Variants in SOX6 observed in about 807,000 individuals in gnomAD.
The protein encoded by SOX6 is transcription factor SOX-6.
In SOX6, 11 loss-of-function variants were observed where a neutral mutation model predicts 97.8. That is an observed-to-expected ratio of 0.11 (90% CI 0.07 to 0.19). SOX6 has a LOEUF of 0.19. SOX6 is among the 10% of genes least tolerant of loss of function. The pLI, the probability that SOX6 is intolerant of heterozygous loss-of-function variation, is 1.00. For missense variants in SOX6, 810 were observed against 1,039.5 expected (o/e 0.78, Z 3.04); for synonymous variants, 360 against 371.4 (o/e 0.97, Z 0.35).
chr11:16,109,542 G>A (rs1369799153), intron 7 of SOX6, among the ~76,000 whole-genome samples: 3 of 151,896 alleles, frequency 2.0e-5, no homozygotes, highest in Admixed American at 2.0e-4. Context: ...GCTCAGTTTG[G>A]GGCAAAAAGA....
At chr11:16,197,724 C>T (rs1013216443) in intron 4 of SOX6, among the ~76,000 whole-genome samples, 1 of 152,016 alleles carries the variant, frequency 6.6e-6, no homozygotes, top group African/African-American at 2.4e-5. Flanking sequence ...CTAATGTTTC[C>T]TATGTAGCAT....
intron 1 of SOX6, among the ~76,000 whole-genome samples, chr11:16,382,783 C>A (rs1246683177): frequency 2.6e-5 from 4 of 151,920 alleles, no homozygotes; most frequent in Non-Finnish European, 5.9e-5. Context: ...TTAGAGAGTT[C>A]AATGTGGAAT....
In SOX6 at chr11:16,498,338, C is replaced by T. The variant is rs532837983; in HGVS notation, n.610-21950G>A. Among the ~76,000 whole-genome samples the T allele has an allele frequency of 2.2e-4, 33 of 152,298 alleles. 1 individual carries two copies. The highest frequency in any genetic ancestry group is 2.1e-3 in the Admixed American group (32 of 15,296). ...AAACATGGAAAGGAACAACCGGTAC[C>T]AGCCACTGCAAAAACATGCCAAATT... is the stretch of plus-strand genomic sequence containing the variant. On this transcript the variant is annotated intron_variant and non_coding_transcript_variant, in intron 4 of 5. Coordinates refer to the SOX6 transcript ENST00000524520.
chr11:16,147,564 AGGAT>A (rs774922345), intron 6 of SOX6, among the ~76,000 whole-genome samples: 20 of 152,196 alleles, frequency 1.3e-4, no homozygotes, highest in Non-Finnish European at 2.8e-4. Flanking sequence ...TAAAGGGAAA[AGGAT>A]GGTGGAGTTT....
At chr11:16,710,614 T>C (rs374312725) in intron 3 of SOX6, among the ~76,000 whole-genome samples, 1 of 70 alleles carries the variant, frequency 0.014, no homozygotes, top group Non-Finnish European at 0.026. Context: ...CCTCCAGTGT[T>C]GAACTACCTC....
intron 6 of SOX6, among the ~76,000 whole-genome samples, chr11:16,126,942 T>C (rs1270807851): frequency 6.6e-6 from 1 of 152,072 alleles, no homozygotes; most frequent in African/African-American, 2.4e-5. Context: ...AATCACCTAA[T>C]CACGGAATAT....
chr11:16,664,318 G>C (rs1191861994), intron 3 of SOX6, among the ~76,000 whole-genome samples: 1 of 152,136 alleles, frequency 6.6e-6, no homozygotes, highest in East Asian at 1.9e-4. Flanking sequence ...TTGAATTGTT[G>C]ATGCCACCCC....
chr11:16,721,551 TTC>T (rs1184715450), intron 2 of SOX6, among the ~76,000 whole-genome samples: 3 of 4,682 alleles, frequency 6.4e-4, no homozygotes, highest in African/African-American at 3.3e-3. Context: ...TCTCTCTCTC[TTC>T]CCCCCCCTCC....
chr11:16,218,806 T>C lies in SOX6; in HGVS notation c.535+15776A>G, dbSNP rs375809239. Among the ~76,000 whole-genome samples, 11 of 152,256 alleles carry C rather than the reference T, an allele frequency of 7.2e-5. No homozygotes were observed. The East Asian group carries it at 1.2e-3, about 16-fold the overall frequency. ...GGTGATGTCGACCGAACAAAATGGA[T>C]GTGGAGTTCCTCCTTTCATTTAATA... On this transcript the variant is annotated intron_variant, in intron 4 of 15. Coordinates refer to ENST00000683767, the MANE Select transcript of SOX6 (RefSeq NM_001367873.1).
At chr11:16,303,834 C>T (rs1855337515) in intron 3 of SOX6, among the ~76,000 whole-genome samples, 1 of 152,122 alleles carries the variant, frequency 6.6e-6, no homozygotes, top group African/African-American at 2.4e-5. Context: ...AGATCCTGCA[C>T]ATGTTGTTAA....
At chr11:16,044,958 G>A (rs368196139) in intron 12 of SOX6, among the ~76,000 whole-genome samples, 10 of 139,632 alleles carry the variant, frequency 7.2e-5, no homozygotes, top group African/African-American at 2.5e-4. Context: ...CTATCTATCT[G>A]TCTATCTGTC....
chr11:16,426,689 C>A (rs576341765), intron 1 of SOX6, among the ~76,000 whole-genome samples: 3 of 151,512 alleles, frequency 2.0e-5, no homozygotes, highest in Non-Finnish European at 4.4e-5. Flanking sequence ...CCGAGGCGGG[C>A]GGATCACGAG....
intron 4 of SOX6, among the ~76,000 whole-genome samples, chr11:16,514,785 G>C (rs1860940675): frequency 6.7e-6 from 1 of 148,544 alleles, no homozygotes; most frequent in South Asian, 2.1e-4. Context: ...CTATGAGTGA[G>C]AATATGCGGT....
chr11:16,015,990 T>G lies in SOX6; in HGVS notation c.1624-940A>C, dbSNP rs1197001391. Among the ~76,000 whole-genome samples, 4 of 152,206 alleles carry G rather than the reference T, an allele frequency of 2.6e-5. No homozygotes were observed. The East Asian group carries it at 7.8e-4, about 30-fold the overall frequency. ...AGCTTCCAGCTCCGGGAATGGTTTC[T>G]GCATGTTATACTTAATGCATTATGC... is the stretch of plus-strand genomic sequence containing the variant. On this transcript the variant is annotated intron_variant, in intron 12 of 15. Coordinates refer to ENST00000683767, the MANE Select transcript of SOX6 (RefSeq NM_001367873.1).
chr11:15,980,882 T>C (rs1370135120), intron 15 of SOX6, among the ~76,000 whole-genome samples: 1 of 152,140 alleles, frequency 6.6e-6, no homozygotes, highest in Non-Finnish European at 1.5e-5. Context: ...TGTGTATGTG[T>C]GTGTATAAGA....
At chr11:16,509,630 G>A (rs952061392) in intron 4 of SOX6, among the ~76,000 whole-genome samples, 1 of 151,976 alleles carries the variant, frequency 6.6e-6, no homozygotes, top group African/African-American at 2.4e-5. Flanking sequence ...ACAAATGACA[G>A]GAGAACGAGT....
At chr11:16,650,201 C>G (rs1240594242) in intron 3 of SOX6, among the ~76,000 whole-genome samples, 2 of 152,060 alleles carry the variant, frequency 1.3e-5, no homozygotes, top group Admixed American at 6.6e-5. Context: ...CTTCAATACT[C>G]CACTGACAGC....
At chr11:16,127,606 C>T (rs1257695385) in intron 6 of SOX6, among the ~76,000 whole-genome samples, 1 of 152,126 alleles carries the variant, frequency 6.6e-6, no homozygotes, top group Non-Finnish European at 1.5e-5. Flanking sequence ...TTGTTAGCCA[C>T]TCTCAAACAT....
intron 4 of SOX6, among the ~76,000 whole-genome samples, chr11:16,598,150 C>T (rs985804241): frequency 8.5e-5 from 13 of 152,052 alleles, no homozygotes; most frequent in Non-Finnish European, 1.8e-4. Flanking sequence ...GCTTTACATT[C>T]GTTTATCTCA....
Sources: gnomAD v4.1 joint callset for allele counts (sites outside exome capture counted in the v4.1 genomes callset) on GRCh38, gnomAD v4.1.1 for gene constraint, MANE v1.5 for transcripts, NCBI Gene and HGNC (gene_info 2026-07-23, HGNC 2026-07-21) for gene names.